Variants in ELP4 observed in about 807,000 individuals in gnomAD.
The protein encoded by ELP4 is elongator complex protein 4.
In ELP4, 51 loss-of-function variants were observed where a neutral mutation model predicts 48.9. The observed-to-expected ratio is 1.04, with a 90% CI of 0.83 to 1.32. The LOEUF (loss-of-function observed/expected upper bound fraction) is 1.32, where lower values mean the gene tolerates loss of function less well. Among genes scored for constraint, ELP4 ranks in the 40% most tolerant of loss-of-function variants. ELP4 has a pLI of 0.00. For missense variants in ELP4, 519 were observed against 514.6 expected (o/e 1.01, Z -0.08); for synonymous variants, 210 against 189.2 (o/e 1.11, Z -0.90).
chr11:31,758,079 T>C (rs1339704793), intron 9 of ELP4, among the ~76,000 whole-genome samples: 1 of 152,212 alleles, frequency 6.6e-6, no homozygotes, highest in Non-Finnish European at 1.5e-5. Flanking sequence ...TTAAACAATT[T>C]TATACTTAAT....
At chr11:31,545,396 G>C (rs1956683137) in intron 3 of ELP4, among the ~76,000 whole-genome samples, 1 of 152,158 alleles carries the variant, frequency 6.6e-6, no homozygotes, top group African/African-American at 2.4e-5. Flanking sequence ...GATGGAAGAT[G>C]AAATGAATAA....
At chr11:31,618,935 A>G (rs978872409) in intron 5 of ELP4, among the ~76,000 whole-genome samples, 2 of 152,076 alleles carry the variant, frequency 1.3e-5, no homozygotes, top group Non-Finnish European at 2.9e-5. Flanking sequence ...GAATTTAGCC[A>G]TTGGAGGTCA....
intron 9 of ELP4, among the ~76,000 whole-genome samples, chr11:31,703,938 C>CA (rs1191782155): frequency 6.6e-6 from 1 of 151,984 alleles, no homozygotes; most frequent in Non-Finnish European, 1.5e-5. Flanking sequence ...AATTAAAATT[C>CA]AAAAATGTTA....
intron 3 of ELP4, among the ~76,000 whole-genome samples, chr11:31,583,474 G>C (rs543060398): frequency 6.6e-6 from 1 of 151,980 alleles, no homozygotes. Flanking sequence ...GGTGGTGTGC[G>C]GCATGTGGTC....
intron 3 of ELP4, among the ~76,000 whole-genome samples, chr11:31,544,893 G>C (rs1956671083): frequency 6.6e-6 from 1 of 152,038 alleles, no homozygotes; most frequent in Admixed American, 6.5e-5. Context: ...AGGCAAACAG[G>C]GTCTGGAGTG....
At chr11:31,571,765 G>A (rs1357689011) in intron 3 of ELP4, among the ~76,000 whole-genome samples, 1 of 152,212 alleles carries the variant, frequency 6.6e-6, no homozygotes, top group Non-Finnish European at 1.5e-5. Context: ...GGTCTTGGGT[G>A]ACCAGGTGCA....
intron 1 of ELP4, among the ~76,000 whole-genome samples, chr11:31,518,578 A>G (rs939851255): frequency 6.7e-6 from 1 of 150,022 alleles, no homozygotes; most frequent in African/African-American, 2.5e-5. Flanking sequence ...ACTCACGGCA[A>G]TCTTGCCTTC....
chr11:31,763,488 C>G (rs1947988944), intron 9 of ELP4: 3 of 1,611,090 alleles, frequency 1.9e-6, no homozygotes, highest in South Asian at 1.1e-5. Flanking sequence ...AGCAGAAAGA[C>G]TCTGCATGGG....
intron 9 of ELP4, among the ~76,000 whole-genome samples, chr11:31,726,442 A>T (rs893145809): frequency 6.6e-6 from 1 of 152,200 alleles, no homozygotes; most frequent in Non-Finnish European, 1.5e-5. Flanking sequence ...TGTAAGCAAT[A>T]TTGGGATCAT....
intron 3 of ELP4, among the ~76,000 whole-genome samples, chr11:31,577,290 T>TTAA (rs1453157826): frequency 6.6e-6 from 1 of 152,180 alleles, no homozygotes; most frequent in Non-Finnish European, 1.5e-5. Flanking sequence ...GAGGCAATAA[T>TTAA]TAATAACCTA....
At chr11:31,667,171 G>A (rs1945698294) in intron 9 of ELP4, among the ~76,000 whole-genome samples, 1 of 152,204 alleles carries the variant, frequency 6.6e-6, no homozygotes, top group Admixed American at 6.5e-5. Context: ...ACCTGAAGAT[G>A]TTTAGATGGC....
chr11:31,565,252 C>T (rs764563956), intron 3 of ELP4, among the ~76,000 whole-genome samples: 1 of 152,008 alleles, frequency 6.6e-6, no homozygotes, highest in African/African-American at 2.4e-5. Context: ...TGTTTGAGTT[C>T]TTTGTAGATG....
rs376066333 is a variant in ELP4 at position 31,540,160 on chromosome 11, A to G, written c.381+377A>G. Among the ~76,000 whole-genome samples, 28 of 152,344 alleles carry G rather than the reference A, an allele frequency of 1.8e-4. No homozygotes were observed. The East Asian group carries it at 3.3e-3, about 18-fold the overall frequency. ...ATCCTTTAATTTTTTGCTTCTAATT[A>G]TAACATCTTCATTTTGACTACTATG... is the stretch of plus-strand genomic sequence containing the variant. On this transcript the variant is annotated intron_variant, in intron 3 of 9. Transcript: ENST00000640961.
At chr11:31,640,314 G>A (rs1264764149) in intron 7 of ELP4, among the ~76,000 whole-genome samples, 1 of 151,796 alleles carries the variant, frequency 6.6e-6, no homozygotes, top group Non-Finnish European at 1.5e-5. Flanking sequence ...AAATACCTGT[G>A]AGAAAACATG....
intron 3 of ELP4, among the ~76,000 whole-genome samples, chr11:31,545,117 A>G (rs895835872): frequency 1.1e-4 from 16 of 152,228 alleles, no homozygotes; most frequent in African/African-American, 3.6e-4. Flanking sequence ...CTCACCAGCA[A>G]TGGAACAAAG....
chr11:31,706,263 T>C (rs938341759), intron 9 of ELP4, among the ~76,000 whole-genome samples: 1 of 152,028 alleles, frequency 6.6e-6, no homozygotes, highest in East Asian at 1.9e-4. Flanking sequence ...GCTGGGAATG[T>C]TTAATATCTT....
At position 31,533,368 on chromosome 11, in the gene ELP4, C is replaced by CTTTTTTTTTTTTTTTTTTTTTTTT. The variant is rs71060492; in HGVS notation, c.260-6290_260-6267dup. Among the ~76,000 whole-genome samples the CTTTTTTTTTTTTTTTTTTTTTTTT allele has an allele frequency of 6.3e-4, 32 of 50,476 alleles. 9 individuals are homozygous for CTTTTTTTTTTTTTTTTTTTTTTTT. Among genetic ancestry groups the CTTTTTTTTTTTTTTTTTTTTTTTT allele is most frequent in the East Asian group, 2.2e-3 (3 of 1,382 alleles). The allele number at this position is 50,476 out of a possible 152,430, so 33.1% of individuals were successfully genotyped here. On this transcript the variant is annotated intron_variant, in intron 2 of 9. Coordinates refer to ENST00000640961, the MANE Select transcript of ELP4 (RefSeq NM_019040.5). Reference sequence around the variant, plus strand: ...GTGTTGCTGCAAAAGCCATCTCATTCTTTTTTTTTTTTTTTTTTTTTTTTT... The same window carrying CTTTTTTTTTTTTTTTTTTTTTTTT: ...GTGTTGCTGCAAAAGCCATCTCATTCTTTTTTTTTTTTTTTTTTTTTTTTTTTTTTTTTTTTTTTTTTTTTTTTT...
intron 3 of ELP4, among the ~76,000 whole-genome samples, chr11:31,575,330 T>C (rs1036732002): frequency 6.6e-6 from 1 of 152,154 alleles, no homozygotes; most frequent in African/African-American, 2.4e-5. Context: ...TACCTGAAAG[T>C]GACGGGGAGA....
intron 1 of ELP4, 106 bp downstream of exon 1, chr11:31,510,113 C>T: frequency 2.9e-6 from 3 of 1,030,788 alleles, no homozygotes; most frequent in South Asian, 1.5e-5. Context: ...CCTAAACCTT[C>T]GGAGGAGGAG....
Sources: gnomAD v4.1 joint callset for allele counts (sites outside exome capture counted in the v4.1 genomes callset) on GRCh38, gnomAD v4.1.1 for gene constraint, MANE v1.5 for transcripts, NCBI Gene and HGNC (gene_info 2026-07-23, HGNC 2026-07-21) for gene names.